NGF: variants seen among roughly 807,000 people sequenced by gnomAD.
The protein encoded by NGF is beta-nerve growth factor.
Under a neutral mutation model 12.8 loss-of-function variants are expected in NGF, and 4 were observed. The ratio of observed to expected loss-of-function variants is 0.31; its 90% confidence interval spans 0.15 to 0.72. The LOEUF (loss-of-function observed/expected upper bound fraction) is 0.72. Ranked by LOEUF, NGF falls within the 30% of genes least tolerant of loss-of-function variation. The pLI is 0.69. For missense variants in NGF, 283 were observed against 330.8 expected (o/e 0.86, Z 1.12); for synonymous variants, 140 against 130.0 (o/e 1.08, Z -0.52).
chr1:115,295,195 T>C (rs1000474631), intron 1 of NGF, among the ~76,000 whole-genome samples: 2 of 151,842 alleles, frequency 1.3e-5, no homozygotes, highest in African/African-American at 4.8e-5. Flanking sequence ...CGAAGAGGAG[T>C]TGGAGAATGG....
At chr1:115,317,515 T>G (rs1268518603) in intron 1 of NGF, among the ~76,000 whole-genome samples, 1 of 152,176 alleles carries the variant, frequency 6.6e-6, no homozygotes, top group Non-Finnish European at 1.5e-5. Context: ...ATCTATGAAG[T>G]CTGGATGCAG....
chr1:115,292,670 G>A (rs1313796104), intron 2 of NGF, among the ~76,000 whole-genome samples: 6 of 152,288 alleles, frequency 3.9e-5, no homozygotes, highest in African/African-American at 9.6e-5. Context: ...GAGGCCTGAA[G>A]CCGTATGCAC....
chr1:115,316,182 T>C (rs1444363363), intron 1 of NGF, among the ~76,000 whole-genome samples: 3 of 152,140 alleles, frequency 2.0e-5, no homozygotes, highest in Non-Finnish European at 4.4e-5. Flanking sequence ...CATGGGGAAG[T>C]CATCACCCAT....
At chr1:115,318,820 G>T (rs2101046314) in intron 1 of NGF, among the ~76,000 whole-genome samples, 1 of 152,242 alleles carries the variant, frequency 6.6e-6, no homozygotes, top group Middle Eastern at 3.4e-3. Context: ...CAAACATGCA[G>T]CTGACAATCA....
chr1:115,329,638 TAATTTTTGAA>T (rs1460681236), intron 1 of NGF, among the ~76,000 whole-genome samples: 1 of 152,210 alleles, frequency 6.6e-6, no homozygotes, highest in African/African-American at 2.4e-5. Context: ...CAATGCATAT[TAATTTTTGAA>T]AATGTTACTC....
intron 2 of NGF, among the ~76,000 whole-genome samples, chr1:115,289,701 T>C (rs1188908149): frequency 6.6e-6 from 1 of 152,220 alleles, no homozygotes; most frequent in Non-Finnish European, 1.5e-5. Flanking sequence ...TTTGGACCAT[T>C]TGATGATAGT....
At position 115,306,399 on chromosome 1, in the gene NGF, A is replaced by G. The variant is rs577377929; in HGVS notation, c.-136-12649T>C. Among the ~76,000 whole-genome samples, 19 of 152,356 alleles carry G rather than the reference A, an allele frequency of 1.2e-4. No homozygotes were observed. In the South Asian group the frequency reaches 3.5e-3, roughly 28 times the overall value. Reference sequence around the variant, plus strand: ...TCATGCTCTCAGCAGTGAGTGCTTCATATAACAGAAGTAAATCACAAGGCA... The same window carrying G: ...TCATGCTCTCAGCAGTGAGTGCTTCGTATAACAGAAGTAAATCACAAGGCA... On this transcript the variant is annotated intron_variant, in intron 1 of 2. Coordinates refer to ENST00000369512, the MANE Select transcript of NGF (RefSeq NM_002506.3).
intron 1 of NGF, among the ~76,000 whole-genome samples, chr1:115,324,715 G>A (rs746091880): frequency 2.0e-5 from 3 of 152,142 alleles, no homozygotes; most frequent in Non-Finnish European, 4.4e-5. Context: ...AGCTCATCTG[G>A]AGGAGTGGGG....
intron 1 of NGF, among the ~76,000 whole-genome samples, chr1:115,314,170 T>C (rs1318751524): frequency 6.6e-6 from 1 of 152,184 alleles, no homozygotes; most frequent in East Asian, 1.9e-4. Flanking sequence ...TGACTTGCTG[T>C]AGTTTGTCTA....
chr1:115,327,122 TACAA>T (rs1241348875), intron 1 of NGF, among the ~76,000 whole-genome samples: 1 of 152,166 alleles, frequency 6.6e-6, no homozygotes, highest in African/African-American at 2.4e-5. Flanking sequence ...AGAAAGAAGA[TACAA>T]ACAAACTTTT....
At chr1:115,307,921 A>G (rs912609765) in intron 1 of NGF, among the ~76,000 whole-genome samples, 2 of 152,242 alleles carry the variant, frequency 1.3e-5, no homozygotes, top group Non-Finnish European at 2.9e-5. Flanking sequence ...TGACCTCACC[A>G]TTATCAGATT....
chr1:115,298,408 TA>T (rs1363388943), intron 1 of NGF, among the ~76,000 whole-genome samples: 1 of 151,996 alleles, frequency 6.6e-6, no homozygotes, highest in African/African-American at 2.4e-5. Context: ...AGACTCCGAG[TA>T]AGGACTAACA....
intron 1 of NGF, among the ~76,000 whole-genome samples, chr1:115,300,166 C>A (rs1220196505): frequency 1.3e-5 from 2 of 152,110 alleles, no homozygotes; most frequent in Non-Finnish European, 2.9e-5. Context: ...AGCAATAGGT[C>A]AAGAAATGTT....
intron 1 of NGF, among the ~76,000 whole-genome samples, chr1:115,307,775 G>C (rs1199107334): frequency 6.6e-6 from 1 of 152,232 alleles, no homozygotes; most frequent in Admixed American, 6.5e-5. Flanking sequence ...TTGGCAGAAT[G>C]ATACAGTGAT....
At position 115,333,761 on chromosome 1, in the gene NGF, CT is replaced by C. The variant is rs1455280416; in HGVS notation, c.-137+4442del. On this transcript the variant is annotated intron_variant, in intron 1 of 2. Coordinates refer to ENST00000369512, the MANE Select transcript of NGF (RefSeq NM_002506.3). The stretch of plus-strand genomic sequence containing the variant: ...TTCTTTCTTCCTTCCTCCCTCCCCC[CT>C]CTCTCTCTTTCTTCATTCCTTCCTT... 1.8e-4 allele frequency among the ~76,000 whole-genome samples: 8 copies of C among 44,872 alleles called. 1 individual carries two copies. The highest frequency in any genetic ancestry group is 9.1e-4 in the Admixed American group (3 of 3,290). The allele number at this position is 44,872 out of a possible 152,430, so 29.4% of individuals were successfully genotyped here. A position where few individuals can be genotyped will look rare whatever the true frequency, so the allele number is the denominator to read the frequency against.
intron 2 of NGF, among the ~76,000 whole-genome samples, chr1:115,289,271 A>G (rs1488922766): frequency 6.6e-6 from 1 of 152,234 alleles, no homozygotes; most frequent in Non-Finnish European, 1.5e-5. Context: ...AGATACATTA[A>G]AGGAGAAGAA....
At chr1:115,291,798 C>T (rs1307378339) in intron 2 of NGF, among the ~76,000 whole-genome samples, 2 of 152,096 alleles carry the variant, frequency 1.3e-5, no homozygotes, top group African/African-American at 4.8e-5. Flanking sequence ...AGCAACTGGC[C>T]CAAATATTTG....
intron 1 of NGF, among the ~76,000 whole-genome samples, chr1:115,324,257 T>A (rs1315270155): frequency 6.6e-6 from 1 of 152,166 alleles, no homozygotes; most frequent in Admixed American, 6.5e-5. Flanking sequence ...ACTGTGTGTG[T>A]CATAATGTCA....
chr1:115,308,617 A>G (rs900523619), intron 1 of NGF, among the ~76,000 whole-genome samples: 10 of 152,224 alleles, frequency 6.6e-5, no homozygotes, highest in African/African-American at 2.4e-4. Flanking sequence ...TCAATTCAGT[A>G]TGAATGACTG....
Sources: gnomAD v4.1 joint callset for allele counts (sites outside exome capture counted in the v4.1 genomes callset) on GRCh38, gnomAD v4.1.1 for gene constraint, MANE v1.5 for transcripts, NCBI Gene and HGNC (gene_info 2026-07-23, HGNC 2026-07-21) for gene names.